TLE1: variants seen among roughly 807,000 people sequenced by gnomAD.
TLE1 encodes transducin-like enhancer protein 1.
In TLE1, 21 loss-of-function variants were observed where a neutral mutation model predicts 89.8. The observed-to-expected ratio is 0.23, with a 90% CI of 0.17 to 0.34. The LOEUF is 0.34. TLE1 is among the 10% of genes least tolerant of loss of function. The pLI is 1.00. For missense variants in TLE1, 795 were observed against 1,031.2 expected, an observed-to-expected ratio of 0.77 and a Z score of 3.14; for synonymous variants, 447 against 407.6, an observed-to-expected ratio of 1.10 and a Z score of -1.16.
intron 4 of TLE1, among the ~76,000 whole-genome samples, chr9:81,672,888 CTTACTGATAG>C (rs766960608): frequency 6.6e-6 from 1 of 152,152 alleles, no homozygotes; most frequent in Non-Finnish European, 1.5e-5. Context: ...CAACTTTATT[CTTACTGATAG>C]TTACATTACT....
intron 14 of TLE1, among the ~76,000 whole-genome samples, chr9:81,595,814 CAAAAAAAA>C (rs11301991): frequency 1.6e-4 from 17 of 106,662 alleles, no homozygotes; most frequent in African/African-American, 6.1e-4. Context: ...GACTCTGTCT[CAAAAAAAA>C]AAAAAAAAAA....
rs142052366 is a variant in TLE1, at chr9:81,610,015, T to A, written c.1331+205A>T. Reference sequence around the variant, plus strand: ...CCAACAGTTTCTCTCCAGAAATAACTAAGGAGATCACCCCCAGGGAGAAGA... The same window carrying A: ...CCAACAGTTTCTCTCCAGAAATAACAAAGGAGATCACCCCCAGGGAGAAGA... On this transcript the variant is annotated intron_variant, in intron 14 of 19. Coordinates refer to ENST00000376499, the MANE Select transcript of TLE1 (RefSeq NM_005077.5). 4.7e-3 allele frequency among the ~76,000 whole-genome samples: 718 copies of A among 152,262 alleles called. 2 individuals are homozygous for A. Among genetic ancestry groups the A allele is most frequent in the Non-Finnish European group, 7.4e-3 (505 of 68,014 alleles).
intron 6 of TLE1, among the ~76,000 whole-genome samples, chr9:81,644,908 C>T (rs1427870682): frequency 2.1e-5 from 3 of 143,616 alleles, no homozygotes; most frequent in Non-Finnish European, 3.0e-5. Flanking sequence ...GCAGGAGAAT[C>T]GTTTGAACCC....
At chr9:81,688,085 G>A in intron 1 of TLE1, 132 bp downstream of exon 1, 2 of 1,188,286 alleles carry the variant, frequency 1.7e-6, no homozygotes, top group South Asian at 1.3e-5. Context: ...GAGGGCCCCA[G>A]ACCTCCCCAG....
chr9:81,683,800 G>C (rs979199903), intron 4 of TLE1, among the ~76,000 whole-genome samples: 1 of 151,906 alleles, frequency 6.6e-6, no homozygotes, highest in South Asian at 2.1e-4. Context: ...ACAGGCTCAC[G>C]GACAGACAGT....
chr9:81,678,107 T>C (rs751670458), intron 4 of TLE1, among the ~76,000 whole-genome samples: 11 of 152,198 alleles, frequency 7.2e-5, no homozygotes, highest in Non-Finnish European at 1.5e-4. Context: ...TAAATAGCTG[T>C]TTTTTATACC....
intron 4 of TLE1, among the ~76,000 whole-genome samples, chr9:81,672,446 G>A (rs1832344887): frequency 7.0e-6 from 1 of 142,850 alleles, no homozygotes; most frequent in Admixed American, 7.4e-5. Flanking sequence ...TGATTGTCCC[G>A]CCTCAGCCTC....
chr9:81,659,790 T>A (rs1830549993), intron 4 of TLE1, among the ~76,000 whole-genome samples: 1 of 152,174 alleles, frequency 6.6e-6, no homozygotes, highest in Non-Finnish European at 1.5e-5. Context: ...CCAGGTCTCG[T>A]ACTTAACAGG....
chr9:81,590,683 C>T (rs578131947), intron 16 of TLE1, 122 bp downstream of exon 16: 1 of 1,497,080 alleles, frequency 6.7e-7, no homozygotes, highest in East Asian at 2.3e-5. Flanking sequence ...CATCACCTAG[C>T]CCCATGCCTG....
chr9:81,596,256 C>T (rs1215248463), intron 14 of TLE1, among the ~76,000 whole-genome samples: 1 of 152,108 alleles, frequency 6.6e-6, no homozygotes, highest in South Asian at 2.1e-4. Context: ...CACAATGCAG[C>T]GAGCTGCTGT....
intron 9 of TLE1, among the ~76,000 whole-genome samples, chr9:81,618,628 T>C (rs188740296): frequency 6.6e-6 from 1 of 152,288 alleles, no homozygotes; most frequent in African/African-American, 2.4e-5. Flanking sequence ...CGAAAATCTG[T>C]TTTCTCTTGG....
At chr9:81,615,895 C>A (rs898426842) in intron 11 of TLE1, 87 bp downstream of exon 11, 5 of 1,525,418 alleles carry the variant, frequency 3.3e-6, no homozygotes, top group African/African-American at 2.8e-5. Context: ...AGCAGCAAAA[C>A]CCCCACATTT....
At position 81,685,735 on chromosome 9, in the gene TLE1, A is replaced by G. The variant is rs1192012167; in HGVS notation, c.190-15T>C. The G allele has an allele frequency of 6.2e-7, 1 of 1,613,088 alleles. No individual in the cohort carries two copies. Among genetic ancestry groups the G allele is most frequent in the African/African-American group, 1.3e-5 (1 of 74,882 alleles). ...ATTTCATAATACTGTAAAGAGAAAA[A>G]AGAATCAAGCATTTCATTAACTCAT... On this transcript the variant is annotated splice_polypyrimidine_tract_variant and intron_variant, in intron 3 of 19. Coordinates refer to ENST00000376499, the MANE Select transcript of TLE1 (RefSeq NM_005077.5).
Position 81,677,291 on chromosome 9 carries a change from C to T in TLE1, c.234+8385G>A, listed in dbSNP as rs546676912. Among the ~76,000 whole-genome samples, 6 of 151,256 alleles carry T rather than the reference C, an allele frequency of 4.0e-5. No individual in the cohort carries two copies. In the East Asian group the frequency reaches 9.8e-4, roughly 25 times the overall value. On this transcript the variant is annotated intron_variant, in intron 4 of 19. Transcript: ENST00000376499. ...TTAAAAGTAAACAACTCAGGCCGGG[C>T]GCAGTGGCTCACACCTGTAATCCCA...
At chr9:81,687,515 G>A (rs918222680) in intron 1 of TLE1, 81 bp from the exon 2 acceptor site, 10 of 1,047,960 alleles carry the variant, frequency 9.5e-6, no homozygotes, top group South Asian at 2.7e-5. Context: ...AGGCAAGAAC[G>A]GGTGGGACAT....
At chr9:81,641,379 G>A (rs1158004205) in intron 6 of TLE1, among the ~76,000 whole-genome samples, 1 of 152,042 alleles carries the variant, frequency 6.6e-6, no homozygotes, top group Non-Finnish European at 1.5e-5. Context: ...TGATCAACAG[G>A]AAGAAACTGC....
At chr9:81,620,631 A>C (rs1413923850) in intron 8 of TLE1, 74 bp from the exon 9 acceptor site, 8 of 1,555,348 alleles carry the variant, frequency 5.1e-6, no homozygotes, top group African/African-American at 1.4e-5. Flanking sequence ...CCTCGATGTG[A>C]GAACTATTTT....
intron 14 of TLE1, among the ~76,000 whole-genome samples, chr9:81,594,007 T>C (rs1298635624): frequency 2.0e-5 from 3 of 152,228 alleles, no homozygotes; most frequent in East Asian, 1.9e-4. Flanking sequence ...GAAGAAGCTG[T>C]TGGATGGCAT....
chr9:81,620,850 G>T (rs897925426), intron 8 of TLE1: 2 of 871,022 alleles, frequency 2.3e-6, no homozygotes, highest in Non-Finnish European at 3.4e-6. Context: ...TTGCTGTGTT[G>T]TATGTGGATG....
Sources: allele counts gnomAD v4.1 joint callset (sites outside exome capture counted in the v4.1 genomes callset), GRCh38; gene constraint gnomAD v4.1.1; transcripts MANE v1.5; gene names NCBI Gene and HGNC (gene_info 2026-07-23, HGNC 2026-07-21).